STYXL1: variants seen among roughly 807,000 people sequenced by gnomAD.
STYXL1 encodes serine/threonine/tyrosine-interacting-like protein 1.
Under a neutral mutation model 36.4 loss-of-function variants are expected in STYXL1, and 32 were observed. The ratio of observed to expected loss-of-function variants is 0.88; its 90% CI spans 0.66 to 1.18. STYXL1 has a LOEUF of 1.18. Among genes scored for constraint, STYXL1 ranks in the 50% most tolerant of loss-of-function variants. STYXL1 has a pLI of 0.00. For synonymous variants in STYXL1, 133 were observed against 144.1 expected, an observed-to-expected ratio of 0.92 and a Z score of 0.55; for missense variants, 354 against 394.1, an observed-to-expected ratio of 0.90 and a Z score of 0.86.
intron 8 of STYXL1, among the ~76,000 whole-genome samples, 176 bp downstream of exon 8, chr7:76,000,714 A>T (rs1399371377): frequency 1.3e-5 from 2 of 152,234 alleles, no homozygotes; most frequent in Non-Finnish European, 2.9e-5. Context: ...GGCCTCAAGC[A>T]TGCAACACTG....
At chr7:76,043,275 G>A (rs2116521198) in intron 1 of STYXL1, among the ~76,000 whole-genome samples, 1 of 152,148 alleles carries the variant, frequency 6.6e-6, no homozygotes, top group African/African-American at 2.4e-5. Flanking sequence ...TCCAGTAGCT[G>A]GGATTACAGG....
chr7:76,044,793 T>A (rs1160047578), intron 1 of STYXL1: 2 of 152,148 alleles, frequency 1.3e-5, no homozygotes, highest in South Asian at 2.1e-4. Context: ...TCGCCTGAGC[T>A]CAAGCGATTG....
At chr7:76,041,207 G>A (rs1796448311) in intron 1 of STYXL1, among the ~76,000 whole-genome samples, 1 of 151,358 alleles carries the variant, frequency 6.6e-6, no homozygotes, top group Non-Finnish European at 1.5e-5. Context: ...AATTAAAATA[G>A]TAAAATACTT....
At chr7:76,021,452 G>A (rs1794061216) in intron 4 of STYXL1, among the ~76,000 whole-genome samples, 2 of 152,136 alleles carry the variant, frequency 1.3e-5, no homozygotes, top group African/African-American at 4.8e-5. Context: ...TTCCCTTTGA[G>A]ATATTCTTTC....
chr7:76,033,831 T>A (rs1335995446), intron 1 of STYXL1, among the ~76,000 whole-genome samples: 1 of 152,180 alleles, frequency 6.6e-6, no homozygotes, highest in Non-Finnish European at 1.5e-5. Context: ...TCACCTCCAA[T>A]TATGCTGTCC....
At chr7:76,015,305 ATAACTGGC>A (rs1793141600) in intron 4 of STYXL1, among the ~76,000 whole-genome samples, 1 of 152,176 alleles carries the variant, frequency 6.6e-6, no homozygotes, top group Non-Finnish European at 1.5e-5. Flanking sequence ...TGGTACTAAG[ATAACTGGC>A]TATCCATATG....
intron 5 of STYXL1, among the ~76,000 whole-genome samples, chr7:76,006,699 G>A (rs1218345775): frequency 6.6e-6 from 1 of 151,138 alleles, no homozygotes; most frequent in East Asian, 2.0e-4. Context: ...GGGAGGCGGA[G>A]CTTGCAGTGA....
intron 7 of STYXL1, among the ~76,000 whole-genome samples, chr7:76,001,792 ATTTTTTTTTTTT>A: frequency 1.0e-5 from 1 of 96,926 alleles, no homozygotes; most frequent in African/African-American, 4.2e-5. Flanking sequence ...ACTGCGCCTG[ATTTTTTTTTTTT>A]TTTTTTTTTT....
chr7:76,031,617 A>C (rs1795343155), intron 1 of STYXL1, among the ~76,000 whole-genome samples: 1 of 151,632 alleles, frequency 6.6e-6, no homozygotes, highest in Admixed American at 6.6e-5. Context: ...TGGGAGGCTG[A>C]GGCAGGAGAA....
At chr7:76,006,922 T>C (rs6978677) in intron 5 of STYXL1, among the ~76,000 whole-genome samples, 102,566 of 152,022 alleles carry the variant, frequency 0.67, 34,906 homozygotes, top group Middle Eastern at 0.76. Context: ...GGGGTTCAGA[T>C]AACCAAATGC....
At chr7:76,036,780 C>CTA (rs1795946170) in intron 1 of STYXL1, among the ~76,000 whole-genome samples, 1 of 106,594 alleles carries the variant, frequency 9.4e-6, no homozygotes, top group South Asian at 3.1e-4. Flanking sequence ...CACAGTATAG[C>CTA]TCTTTTTTTT....
intron 4 of STYXL1, among the ~76,000 whole-genome samples, chr7:76,020,341 G>A (rs753570305): frequency 6.6e-6 from 1 of 152,208 alleles, no homozygotes; most frequent in Non-Finnish European, 1.5e-5. Context: ...CCAGCTTCTG[G>A]AACGGCACCC....
intron 1 of STYXL1, among the ~76,000 whole-genome samples, chr7:76,035,426 A>C (rs1795820663): frequency 7.1e-6 from 1 of 140,780 alleles, no homozygotes; most frequent in South Asian, 2.5e-4. Context: ...GTCCACTGCT[A>C]GGTCCTCACC....
At chr7:76,004,721 G>T (rs1791436479) in intron 6 of STYXL1, among the ~76,000 whole-genome samples, 1 of 147,102 alleles carries the variant, frequency 6.8e-6, no homozygotes, top group South Asian at 2.2e-4. Flanking sequence ...AATAAAATAG[G>T]CCAGGCGCGG....
At chr7:76,039,006 G>T (rs1380952288) in intron 1 of STYXL1, among the ~76,000 whole-genome samples, 1 of 145,066 alleles carries the variant, frequency 6.9e-6, no homozygotes, top group Non-Finnish European at 1.5e-5. Context: ...GTACTGCAGT[G>T]GTGCAATCTC....
chr7:76,010,527 C>T (rs1202137528), intron 5 of STYXL1, among the ~76,000 whole-genome samples: 2 of 152,114 alleles, frequency 1.3e-5, no homozygotes, highest in African/African-American at 2.4e-5. Flanking sequence ...CCACTGGCTG[C>T]GTTCTCTGGG....
At chr7:76,022,833 G>A (rs573637520) in intron 3 of STYXL1, among the ~76,000 whole-genome samples, 68 of 152,106 alleles carry the variant, frequency 4.5e-4, no homozygotes, top group African/African-American at 1.6e-3. Context: ...AGGCTGAGGT[G>A]GGAGGATCGC....
At chr7:75,999,517 G>GTATATA (rs1393565979) in intron 8 of STYXL1, among the ~76,000 whole-genome samples, 1 of 38,196 alleles carries the variant, frequency 2.6e-5, no homozygotes, top group East Asian at 7.6e-4. Flanking sequence ...GTGTATGTGT[G>GTATATA]TGTGTGTGTG....
At chr7:76,039,802 C>T (rs1459885005) in intron 1 of STYXL1, among the ~76,000 whole-genome samples, 2 of 152,170 alleles carry the variant, frequency 1.3e-5, no homozygotes, top group Non-Finnish European at 2.9e-5. Flanking sequence ...CATGCACCAC[C>T]ATGACAGGCT....
Sources: allele counts gnomAD v4.1 joint callset (sites outside exome capture counted in the v4.1 genomes callset), GRCh38; gene constraint gnomAD v4.1.1; transcripts MANE v1.5; gene names NCBI Gene and HGNC (gene_info 2026-07-23, HGNC 2026-07-21).